Variants in SCYL2 observed in about 807,000 individuals in gnomAD.
SCYL2 encodes the protein SCY1-like protein 2.
A neutral mutation model predicts 100.4 loss-of-function variants in SCYL2; 36 were observed. The ratio of observed to expected loss-of-function variants is 0.36; its 90% confidence interval spans 0.27 to 0.47. The LOEUF is 0.47. Among genes scored for constraint, SCYL2 ranks in the 20% least tolerant of loss-of-function variants. The pLI is 1.00. For synonymous variants in SCYL2, 330 were observed against 359.2 expected (o/e 0.92, Z 0.92); for missense variants, 902 against 1,083.9 (o/e 0.83, Z 2.36).
At chr12:100,326,430 T>C (rs770367399) in intron 11 of SCYL2, among the ~76,000 whole-genome samples, 192 bp from the exon 12 acceptor site, 1 of 152,166 alleles carries the variant, frequency 6.6e-6, no homozygotes, top group Non-Finnish European at 1.5e-5. Flanking sequence ...CAATCATAAA[T>C]TCTTTGTGAA....
At chr12:100,292,791 G>C (rs1468625682) in intron 3 of SCYL2, among the ~76,000 whole-genome samples, 1 of 152,030 alleles carries the variant, frequency 6.6e-6, no homozygotes, top group Non-Finnish European at 1.5e-5. Context: ...ACTGCACCAT[G>C]CTGCATCTAC....
At chr12:100,282,720 G>A (rs1253381940) in intron 1 of SCYL2, among the ~76,000 whole-genome samples, 1 of 152,076 alleles carries the variant, frequency 6.6e-6, no homozygotes, top group Non-Finnish European at 1.5e-5. Context: ...TCTTTTCCTG[G>A]TCAGTGAGAA....
chr12:100,302,965 T>C (rs1235276164), intron 4 of SCYL2, among the ~76,000 whole-genome samples: 1 of 152,120 alleles, frequency 6.6e-6, no homozygotes, highest in Non-Finnish European at 1.5e-5. Context: ...CATTCATTTT[T>C]CTCTAATCTT....
chr12:100,274,708 G>GA (rs1324221242), intron 1 of SCYL2, among the ~76,000 whole-genome samples: 1 of 152,142 alleles, frequency 6.6e-6, no homozygotes, highest in Admixed American at 6.5e-5. Context: ...AGTCAAGTGG[G>GA]AAAAAATTGT....
At chr12:100,321,566 A>T (rs1293146640) in intron 10 of SCYL2, among the ~76,000 whole-genome samples, 2 of 152,220 alleles carry the variant, frequency 1.3e-5, no homozygotes, top group Non-Finnish European at 1.5e-5. Context: ...AGAATGTTTT[A>T]AATCTTTTTT....
intron 7 of SCYL2, 83 bp downstream of exon 7, chr12:100,313,621 A>G (rs1592956125): frequency 1.4e-6 from 1 of 723,974 alleles, no homozygotes; most frequent in South Asian, 1.8e-5. Flanking sequence ...TTAAAAAAAT[A>G]TTTTTCCCCA....
Position 100,283,052 on chromosome 12 carries a change from G to C in SCYL2, c.82G>C (p.Val28Leu). Residue 28 changes from valine to leucine, a missense_variant, in exon 2 of 18, where the codon GTC (valine) becomes CTC (leucine). By Grantham distance (32) the Val-to-Leu change is conservative. Coordinates refer to ENST00000360820, the MANE Select transcript of SCYL2 (RefSeq NM_017988.6). ...DVTSAVMGNP[V>L]TREFDVGRHI... is the part of the protein sequence containing the mutation. ...CACTAGTGCTGTAATGGGAAATCCT[G>C]TCACTAGAGAATTTGATGTTGGTCG... 6.2e-7 allele frequency: 1 copy of C among 1,613,306 alleles called. No homozygotes were observed. Among genetic ancestry groups the C allele is most frequent in the South Asian group, 1.1e-5 (1 of 90,968 alleles).
intron 4 of SCYL2, among the ~76,000 whole-genome samples, chr12:100,309,458 T>G (rs1275336738): frequency 6.6e-6 from 1 of 152,200 alleles, no homozygotes; most frequent in Non-Finnish European, 1.5e-5. Flanking sequence ...CTCTAGGTAC[T>G]TCGTGTAAGT....
chr12:100,322,372 C>CAAAAAAAAAAAAAAAA (rs34959294), intron 10 of SCYL2, among the ~76,000 whole-genome samples: 5 of 61,828 alleles, frequency 8.1e-5, no homozygotes, highest in South Asian at 6.8e-4. Flanking sequence ...GACTCCGTCT[C>CAAAAAAAAAAAAAAAA]AAAAAAAAAA....
intron 17 of SCYL2, 109 bp downstream of exon 17, chr12:100,337,615 C>G: frequency 1.9e-6 from 2 of 1,052,674 alleles, no homozygotes; most frequent in Admixed American, 4.3e-5. Flanking sequence ...TCAAATAATA[C>G]CTTAATATGT....
Position 100,329,451 on chromosome 12 carries a change from G to T in SCYL2, c.1761+132G>T. ...AGAATATGCCACAGAACTAAATGAA[G>T]AAAGTTTGTGGGTGGAAGGATAGAT... On this transcript the variant is annotated intron_variant, in intron 13 of 17. Coordinates refer to ENST00000360820, the MANE Select transcript of SCYL2 (RefSeq NM_017988.6). 3 of 509,628 alleles carry T rather than the reference G, an allele frequency of 5.9e-6. 1 individual carries two copies. 31.6% of individuals were successfully genotyped at this position (509,628 alleles called of 1,614,324 possible). A position where few individuals can be genotyped will look rare whatever the true frequency, so the allele number is the denominator to read the frequency against.
intron 3 of SCYL2, among the ~76,000 whole-genome samples, chr12:100,296,465 T>G (rs1042598894): frequency 2.0e-5 from 3 of 151,906 alleles, no homozygotes; most frequent in African/African-American, 7.3e-5. Context: ...AACCTTGAAA[T>G]GTAGGGAAAA....
intron 4 of SCYL2, among the ~76,000 whole-genome samples, chr12:100,310,699 G>A (rs1371648139): frequency 2.0e-5 from 3 of 152,186 alleles, no homozygotes; most frequent in Non-Finnish European, 2.9e-5. Context: ...TTCACTGTCT[G>A]CAACTCAAGA....
intron 3 of SCYL2, among the ~76,000 whole-genome samples, chr12:100,294,416 C>T (rs2096315118): frequency 1.7e-5 from 2 of 118,898 alleles, no homozygotes; most frequent in Non-Finnish European, 1.8e-5. Flanking sequence ...GACGGGGCGG[C>T]TGGCCGGGCG....
rs1220343306 is a variant in SCYL2 at position 100,339,438 on chromosome 12, G to GA, written c.*269dup. ...CCTTCCCAATCTCAAAGAGAAAAAG[G>GA]AAACTGAGTTATCTTGAATAACATA... On this transcript the variant is annotated 3_prime_UTR_variant, in exon 18 of 18. Transcript: ENST00000360820. 7.3e-6 allele frequency: 3 copies of GA among 410,398 alleles called. No individual in the cohort carries two copies. 25.4% of individuals were successfully genotyped at this position (410,398 alleles called of 1,614,324 possible).
At chr12:100,334,060 T>A in intron 13 of SCYL2, 106 bp from the exon 14 acceptor site, 1 of 669,686 alleles carries the variant, frequency 1.5e-6, no homozygotes, top group Admixed American at 2.6e-5. Flanking sequence ...CCTATTCTAC[T>A]GGTAAAAATG....
At chr12:100,313,880 A>ATTTT (rs769757760) in intron 7 of SCYL2, among the ~76,000 whole-genome samples, 1 of 133,998 alleles carries the variant, frequency 7.5e-6, no homozygotes, top group Non-Finnish European at 1.6e-5. Context: ...ATAACCATGG[A>ATTTT]TTTTTTTTTT....
At chr12:100,274,442 T>C (rs182171305) in intron 1 of SCYL2, among the ~76,000 whole-genome samples, 112 of 152,344 alleles carry the variant, frequency 7.4e-4, no homozygotes, top group Admixed American at 2.0e-3. Context: ...TATATCTCTG[T>C]GACAACCATC....
intron 4 of SCYL2, among the ~76,000 whole-genome samples, chr12:100,301,024 A>G (rs2096326927): frequency 6.6e-6 from 1 of 152,158 alleles, no homozygotes; most frequent in Admixed American, 6.5e-5. Context: ...TAGGAGTGGG[A>G]TTGCTGGATT....
Sources: allele counts gnomAD v4.1 joint callset (sites outside exome capture counted in the v4.1 genomes callset), GRCh38; gene constraint gnomAD v4.1.1; transcripts MANE v1.5; gene names NCBI Gene and HGNC (gene_info 2026-07-23, HGNC 2026-07-21).